Variants in DCDC2C observed in about 807,000 individuals in gnomAD.
DCDC2C encodes doublecortin domain containing 2C.
In DCDC2C, 44 loss-of-function variants were observed where a neutral mutation model predicts 45.0. The ratio of observed to expected loss-of-function variants is 0.98; its 90% CI spans 0.77 to 1.26. DCDC2C has a LOEUF of 1.26. Among genes scored for constraint, DCDC2C ranks in the 50% most tolerant of loss-of-function variants. DCDC2C has a pLI of 0.00. For missense variants in DCDC2C, 447 were observed against 468.9 expected, an observed-to-expected ratio of 0.95 and a Z score of 0.43; for synonymous variants, 187 against 178.8, an observed-to-expected ratio of 1.05 and a Z score of -0.37.
intron 2 of DCDC2C, among the ~76,000 whole-genome samples, chr2:3,726,345 T>C (rs1668687449): frequency 6.6e-6 from 1 of 152,088 alleles, no homozygotes; most frequent in African/African-American, 2.4e-5. Context: ...CCCCATTTGC[T>C]TTTCTGCACA....
intron 4 of DCDC2C, among the ~76,000 whole-genome samples, chr2:3,748,540 G>A (rs1437545561): frequency 2.0e-5 from 3 of 152,072 alleles, no homozygotes; most frequent in African/African-American, 7.2e-5. Flanking sequence ...ATTTTTGGAC[G>A]CGTCCAGTTG....
At chr2:3,739,193 A>G (rs1669121010) in intron 3 of DCDC2C, among the ~76,000 whole-genome samples, 1 of 152,244 alleles carries the variant, frequency 6.6e-6, no homozygotes, top group South Asian at 2.1e-4. Context: ...AAAGAATAAA[A>G]TAAAATTCTC....
intron 1 of DCDC2C, among the ~76,000 whole-genome samples, chr2:3,707,563 C>T (rs2163263): frequency 0.21 from 31,284 of 152,130 alleles, 5,781 homozygotes; most frequent in African/African-American, 0.5. Context: ...ATTGGGAGAA[C>T]TCATGTAATA....
chr2:3,829,535 C>G (rs1261065339), intron 10 of DCDC2C, among the ~76,000 whole-genome samples: 1 of 152,090 alleles, frequency 6.6e-6, no homozygotes, highest in Non-Finnish European at 1.5e-5. Flanking sequence ...AAAAGCACAT[C>G]CTGGTCGTGC....
Position 3,847,736 on chromosome 2 carries a change from G to A in DCDC2C, c.*553G>A, listed in dbSNP as rs1336410340. 6.6e-6 allele frequency among the ~76,000 whole-genome samples: 1 copy of A among 152,174 alleles called. No homozygotes were observed. The highest frequency in any genetic ancestry group is 1.5e-5 in the Non-Finnish European group (1 of 68,038). The stretch of plus-strand genomic sequence containing the variant: ...GAATTGTAATCCCCATGTGTTGGAG[G>A]AGGGGGCCGGTGGGAGGTGATTGAA... On this transcript the variant is annotated 3_prime_UTR_variant, in exon 11 of 11. Transcript: ENST00000399143.
In DCDC2C at chr2:3,726,906, T is replaced by C. The variant is rs534361869; in HGVS notation, c.340-97T>C. The C allele has an allele frequency of 1.1e-4, 120 of 1,109,486 alleles. No individual in the cohort carries two copies. The African/African-American group carries it at 1.7e-3, about 16-fold the overall frequency. The allele number at this position is 1,109,486 out of a possible 1,614,324, so 68.7% of individuals were successfully genotyped here. A position where few individuals can be genotyped will look rare whatever the true frequency, so the allele number is the denominator to read the frequency against. On this transcript the variant is annotated intron_variant, in intron 2 of 10. Coordinates refer to ENST00000399143, the MANE Select transcript of DCDC2C (RefSeq NM_001287444.2). Reference sequence around the variant, plus strand: ...TCTATTGACAAAGGGGTTCCCCCCCTTTCTTATGTTTTAGGGCAGTGCTGT... The same window carrying C: ...TCTATTGACAAAGGGGTTCCCCCCCCTTCTTATGTTTTAGGGCAGTGCTGT...
At chr2:3,731,406 A>G (rs1668863416) in intron 3 of DCDC2C, among the ~76,000 whole-genome samples, 1 of 152,204 alleles carries the variant, frequency 6.6e-6, no homozygotes, top group African/African-American at 2.4e-5. Context: ...ACTGGCTGGA[A>G]GCATTTTCTA....
At chr2:3,742,340 A>G (rs901783475) in intron 4 of DCDC2C, among the ~76,000 whole-genome samples, 2 of 152,174 alleles carry the variant, frequency 1.3e-5, no homozygotes, top group African/African-American at 2.4e-5. Context: ...GAGTGGGCCG[A>G]CCGTTCAAGT....
intron 3 of DCDC2C, among the ~76,000 whole-genome samples, chr2:3,735,736 G>A (rs1295779664): frequency 6.6e-6 from 1 of 152,090 alleles, no homozygotes; most frequent in East Asian, 1.9e-4. Flanking sequence ...GATGATGACT[G>A]TGAAATACTG....
At chr2:3,727,646 G>A (rs1248075038) in intron 3 of DCDC2C, among the ~76,000 whole-genome samples, 1 of 152,230 alleles carries the variant, frequency 6.6e-6, no homozygotes, top group Non-Finnish European at 1.5e-5. Flanking sequence ...TCAGTGGGAG[G>A]CACTGGGGAT....
rs1672377759 is a variant in DCDC2C at position 3,847,989 on chromosome 2, C to T, written c.*806C>T. 6.6e-6 allele frequency among the ~76,000 whole-genome samples: 1 copy of T among 152,186 alleles called. No homozygotes were observed. The highest frequency in any genetic ancestry group is 1.5e-5 in the Non-Finnish European group (1 of 68,042). On this transcript the variant is annotated 3_prime_UTR_variant, in exon 11 of 11. Transcript: ENST00000399143. ...CCTGCAGAACTGTGAGCCAATTAAA[C>T]CTCTTTTCTTCATAAATTACCCAGT...
At chr2:3,771,062 A>G (rs962460102) in intron 8 of DCDC2C, among the ~76,000 whole-genome samples, 1 of 152,234 alleles carries the variant, frequency 6.6e-6, no homozygotes, top group Non-Finnish European at 1.5e-5. Context: ...TGTGGCTTTG[A>G]GTGACACAGA....
chr2:3,782,325 T>C (rs1670533812), intron 9 of DCDC2C, among the ~76,000 whole-genome samples: 1 of 152,196 alleles, frequency 6.6e-6, no homozygotes, highest in Non-Finnish European at 1.5e-5. Flanking sequence ...AAAATAGAAC[T>C]GTGCTTTTGG....
At chr2:3,757,707 A>G (rs1356532457) in intron 6 of DCDC2C, among the ~76,000 whole-genome samples, 1 of 152,176 alleles carries the variant, frequency 6.6e-6, no homozygotes, top group Non-Finnish European at 1.5e-5. Context: ...CAGAGTGTCG[A>G]TAAGCATGGG....
intron 10 of DCDC2C, among the ~76,000 whole-genome samples, chr2:3,790,939 T>C (rs2148189713): frequency 6.6e-6 from 1 of 152,156 alleles, no homozygotes; most frequent in South Asian, 2.1e-4. Context: ...AAACCCCGTC[T>C]CTACTAAAAA....
intron 10 of DCDC2C, among the ~76,000 whole-genome samples, chr2:3,829,788 C>T (rs568454272): frequency 1.1e-4 from 17 of 152,276 alleles, no homozygotes; most frequent in East Asian, 5.8e-4. Context: ...TCGGGGCCTT[C>T]GGTTCTCTCT....
At chr2:3,767,376 G>A (rs1197451916) in intron 6 of DCDC2C, among the ~76,000 whole-genome samples, 1 of 152,206 alleles carries the variant, frequency 6.6e-6, no homozygotes, top group Admixed American at 6.5e-5. Flanking sequence ...TTGTTGAACA[G>A]CAGTTTTTAT....
intron 2 of DCDC2C, among the ~76,000 whole-genome samples, chr2:3,714,314 C>A (rs1162039068): frequency 3.9e-5 from 6 of 152,266 alleles, no homozygotes; most frequent in Admixed American, 2.0e-4. Context: ...AACAAATGCT[C>A]TTGGGGTCTT....
chr2:3,819,085 A>T (rs533484093), intron 10 of DCDC2C, among the ~76,000 whole-genome samples: 57 of 152,128 alleles, frequency 3.7e-4, no homozygotes, highest in Non-Finnish European at 7.9e-4. Context: ...AAGGTGATGG[A>T]CTTACCCTCC....
Sources: allele counts gnomAD v4.1 joint callset (sites outside exome capture counted in the v4.1 genomes callset), GRCh38; gene constraint gnomAD v4.1.1; transcripts MANE v1.5; gene names NCBI Gene and HGNC (gene_info 2026-07-23, HGNC 2026-07-21).